The following GPD2 variants were observed in gnomAD, a reference collection of about 807,000 sequenced individuals.
GPD2 encodes glycerol-3-phosphate dehydrogenase 2.
GPD2 carries 54 observed loss-of-function variants against 82.4 expected under a neutral mutation model. The observed-to-expected ratio is 0.66, with a 90% CI of 0.53 to 0.82. GPD2 has a LOEUF of 0.82. GPD2 is among the 40% of genes least tolerant of loss of function. The pLI is 0.00. For missense variants in GPD2, 748 were observed against 896.2 expected (o/e 0.83, Z 2.11); for synonymous variants, 288 against 306.1 (o/e 0.94, Z 0.62).
At chr2:156,435,429 T>C (rs1688395672), upstream of GPD2, 1 of 149,304 alleles carries the variant, frequency 6.7e-6, no homozygotes, top group Non-Finnish European at 1.5e-5. Context: ...GCATGCTCAG[T>C]GGGCAGGGTC....
At chr2:156,529,816 G>A (rs2105303340) in intron 6 of GPD2, among the ~76,000 whole-genome samples, 1 of 152,138 alleles carries the variant, frequency 6.6e-6, no homozygotes, top group East Asian at 1.9e-4. Flanking sequence ...TTTCGTACCA[G>A]TACCATGCTG....
chr2:156,549,386 C>T (rs1269824271), intron 6 of GPD2, among the ~76,000 whole-genome samples: 2 of 152,164 alleles, frequency 1.3e-5, no homozygotes, highest in African/African-American at 4.8e-5. Flanking sequence ...GATATTTTCA[C>T]TATTTTTATG....
chr2:156,435,138 T>A (rs532618681), upstream of GPD2, among the ~76,000 whole-genome samples: 2 of 152,316 alleles, frequency 1.3e-5, no homozygotes, highest in East Asian at 3.9e-4. Context: ...ACTACAGGAA[T>A]TCTGCGGTAT....
upstream of GPD2, among the ~76,000 whole-genome samples, chr2:156,435,097 A>G (rs1688387517): frequency 6.6e-6 from 1 of 151,764 alleles, no homozygotes; most frequent in African/African-American, 2.4e-5. Context: ...TGAGTTTGGG[A>G]TTTAATAAAT....
chr2:156,516,424 A>T (rs1685197640), intron 6 of GPD2, among the ~76,000 whole-genome samples: 1 of 152,238 alleles, frequency 6.6e-6, no homozygotes, highest in Admixed American at 6.5e-5. Context: ...AAGTAATCAA[A>T]TGAACTTTTA....
the GPD2 span, among the ~76,000 whole-genome samples, chr2:156,407,075 G>T: frequency 1.3e-5 from 2 of 152,042 alleles, no homozygotes; most frequent in African/African-American, 4.8e-5. Context: ...AGCCAGGCAT[G>T]GTGGCTCATG....
intron 2 of GPD2, among the ~76,000 whole-genome samples, chr2:156,491,750 CG>C (rs1684181696): frequency 6.6e-6 from 1 of 152,038 alleles, no homozygotes; most frequent in Non-Finnish European, 1.5e-5. Context: ...TGGCCAGGCA[CG>C]GTGGCTCACA....
At chr2:156,529,436 A>G (rs1269214478) in intron 6 of GPD2, among the ~76,000 whole-genome samples, 2 of 139,852 alleles carry the variant, frequency 1.4e-5, no homozygotes, top group East Asian at 4.2e-4. Flanking sequence ...GAAGCTCTTT[A>G]GTTTAATTAG....
At chr2:156,538,689 C>T (rs1457653911) in intron 6 of GPD2, among the ~76,000 whole-genome samples, 1 of 151,554 alleles carries the variant, frequency 6.6e-6, no homozygotes, top group African/African-American at 2.4e-5. Context: ...GGCATGGTGG[C>T]GGGCTCCTGT....
chr2:156,422,627 G>A, the GPD2 span, among the ~76,000 whole-genome samples: 1 of 151,964 alleles, frequency 6.6e-6, no homozygotes, highest in African/African-American at 2.4e-5. Flanking sequence ...CTACTTGGGA[G>A]GCTGAGGCAG....
chr2:156,430,074 T>G, the GPD2 span, among the ~76,000 whole-genome samples: 1 of 152,214 alleles, frequency 6.6e-6, no homozygotes, highest in East Asian at 1.9e-4. Context: ...TCATGTAAAC[T>G]ACCTAAACTG....
At chr2:156,578,771 T>C (rs1236950054) in intron 13 of GPD2, 118 bp from the exon 14 acceptor site, 6 of 686,240 alleles carry the variant, frequency 8.7e-6, no homozygotes, top group Non-Finnish European at 1.3e-5. Context: ...AATAAAAAAA[T>C]TGTGCTGGTT....
At position 156,584,324 on chromosome 2, in the gene GPD2, A is replaced by C. The variant is rs926831439; in HGVS notation, c.*1406A>C. 6.6e-6 allele frequency: 1 copy of C among 152,004 alleles called. No individual in the cohort carries two copies. The highest frequency in any genetic ancestry group is 1.5e-5 in the Non-Finnish European group (1 of 67,962). The allele number at this position is 152,004 out of a possible 1,614,324, so 9.4% of individuals were successfully genotyped here. On this transcript the variant is annotated 3_prime_UTR_variant, in exon 17 of 17. Coordinates refer to ENST00000438166, the MANE Select transcript of GPD2 (RefSeq NM_000408.5). ...GGTTCTGTATCTAATAGGAGATGTA[A>C]CACTTTATTTCATGGCAGGTTTTTA...
intron 3 of GPD2, among the ~76,000 whole-genome samples, chr2:156,510,580 G>C (rs1192134930): frequency 6.6e-6 from 1 of 152,206 alleles, no homozygotes; most frequent in East Asian, 1.9e-4. Flanking sequence ...TTCATTCACA[G>C]CTTAATATGC....
At chr2:156,536,526 C>T (rs749579134) in intron 6 of GPD2, among the ~76,000 whole-genome samples, 3 of 152,186 alleles carry the variant, frequency 2.0e-5, no homozygotes, top group Non-Finnish European at 2.9e-5. Flanking sequence ...TTTCTATAGG[C>T]AGTAAGAAAT....
intron 2 of GPD2, among the ~76,000 whole-genome samples, chr2:156,489,441 G>C (rs1230555207): frequency 6.6e-6 from 1 of 152,054 alleles, no homozygotes; most frequent in African/African-American, 2.4e-5. Flanking sequence ...ACTTGATTTA[G>C]CTGCATGTTC....
Position 156,549,744 on chromosome 2 carries a change from C to A in GPD2, c.798C>A (p.Ser266Arg), listed in dbSNP as rs374915379. 16 of 1,613,768 alleles carry A rather than the reference C, an allele frequency of 9.9e-6. No individual in the cohort carries two copies. In the South Asian group the frequency reaches 1.8e-4, roughly 18 times the overall value. The stretch of plus-strand genomic sequence containing the variant: ...CCCAGACAGGGAAAGTGCGTGTGAG[C>A]GGCGCACGGTGCAAGGATGTCCTCA... Reference protein sequence around the residue: ...TDPQTGKVRVSGARCKDVLTG... With the variant: ...TDPQTGKVRVRGARCKDVLTG... Residue 266 changes from serine to arginine, a missense_variant, in exon 7 of 17, where the codon AGC (serine) becomes AGA (arginine). This residue lies in a region of GPD2 where 692 missense variants were observed against 809.7 expected (regional missense o/e 0.85). Coordinates refer to ENST00000438166, the MANE Select transcript of GPD2 (RefSeq NM_000408.5).
intron 3 of GPD2, among the ~76,000 whole-genome samples, chr2:156,510,493 G>A (rs1684955658): frequency 6.6e-6 from 1 of 152,200 alleles, no homozygotes; most frequent in African/African-American, 2.4e-5. Context: ...TTGGGTGCTA[G>A]TCTCTCCTTT....
Position 156,569,011 on chromosome 2 carries a change from T to C in GPD2, c.1300+52T>C, listed in dbSNP as rs546938828. On this transcript the variant is annotated intron_variant, in intron 10 of 16. Coordinates refer to ENST00000438166, the MANE Select transcript of GPD2 (RefSeq NM_000408.5). ...TTTTCTTTTTTTTTTTTTTTTGTTA[T>C]AGGGACAGGGTCTCACCATGTTGCC... The C allele has an allele frequency of 5.7e-6, 8 of 1,412,614 alleles. No individual in the cohort carries two copies. In the South Asian group the frequency reaches 7.1e-5, roughly 12 times the overall value. 87.5% of individuals were successfully genotyped at this position (1,412,614 alleles called of 1,614,324 possible). A position where few individuals can be genotyped will look rare whatever the true frequency, so the allele number is the denominator to read the frequency against.
Sources: allele counts gnomAD v4.1 joint callset (sites outside exome capture counted in the v4.1 genomes callset), GRCh38; gene constraint gnomAD v4.1.1; regional missense constraint gnomAD v4.1.1; transcripts MANE v1.5; gene names NCBI Gene and HGNC (gene_info 2026-07-23, HGNC 2026-07-21).